The following CSMD1 variants were observed in gnomAD, a reference collection of about 807,000 sequenced individuals.
The protein encoded by CSMD1 is CUB and Sushi multiple domains 1.
A neutral mutation model predicts 417.5 loss-of-function variants in CSMD1; 213 were observed. The observed-to-expected ratio is 0.51, with a 90% CI of 0.46 to 0.57. The LOEUF (loss-of-function observed/expected upper bound fraction) is 0.57. Among genes scored for constraint, CSMD1 ranks in the 20% least tolerant of loss-of-function variants. The pLI is 0.00. For missense variants in CSMD1, 6,923 were observed against 4,529.7 expected (o/e 1.53, Z -15.17); for synonymous variants, 2,862 against 1,736.8 (o/e 1.65, Z -16.11).
At chr8:3,552,648 T>G (rs567208304) in intron 10 of CSMD1, among the ~76,000 whole-genome samples, 1 of 152,342 alleles carries the variant, frequency 6.6e-6, no homozygotes, top group South Asian at 2.1e-4. Context: ...AGATCCTTTC[T>G]GTTGCAAGAG....
At chr8:4,439,020 A>T (rs1154060) in intron 2 of CSMD1, among the ~76,000 whole-genome samples, 112,360 of 152,032 alleles carry the variant, frequency 0.74, 41,962 homozygotes, top group Admixed American at 0.83. Context: ...AGAACTGAAT[A>T]ATAAACTATA....
intron 18 of CSMD1, among the ~76,000 whole-genome samples, chr8:3,385,826 G>C (rs1255768018): frequency 6.7e-6 from 1 of 150,142 alleles, no homozygotes; most frequent in African/African-American, 2.4e-5. Context: ...GCTTGGATAA[G>C]AAGAAGTTGG....
intron 12 of CSMD1, among the ~76,000 whole-genome samples, chr8:3,468,098 T>A (rs949341172): frequency 6.6e-6 from 1 of 152,120 alleles, no homozygotes; most frequent in African/African-American, 2.4e-5. Flanking sequence ...ATATAGACAA[T>A]CAGAAATACT....
At chr8:3,962,536 G>C (rs890194381) in intron 5 of CSMD1, among the ~76,000 whole-genome samples, 1 of 152,162 alleles carries the variant, frequency 6.6e-6, no homozygotes, top group Non-Finnish European at 1.5e-5. Context: ...GCTAATCGCA[G>C]GTAAGCAAAG....
intron 3 of CSMD1, among the ~76,000 whole-genome samples, chr8:4,306,481 A>G (rs967364502): frequency 2.6e-4 from 40 of 152,352 alleles, no homozygotes; most frequent in African/African-American, 8.9e-4. Flanking sequence ...ATGCCTCAGC[A>G]GGGTGTAAGA....
intron 1 of CSMD1, among the ~76,000 whole-genome samples, chr8:4,656,159 A>T (rs1443207701): frequency 6.6e-6 from 1 of 152,002 alleles, no homozygotes; most frequent in Non-Finnish European, 1.5e-5. Flanking sequence ...GATTAAAGGG[A>T]ATGAGGGAAA....
At chr8:3,252,023 G>T (rs576153589) in intron 26 of CSMD1, among the ~76,000 whole-genome samples, 9 of 152,282 alleles carry the variant, frequency 5.9e-5, no homozygotes, top group African/African-American at 2.2e-4. Flanking sequence ...GGGACAATTT[G>T]ACTTCCTCTT....
At chr8:3,522,626 T>C (rs1025862357) in intron 10 of CSMD1, among the ~76,000 whole-genome samples, 2 of 152,080 alleles carry the variant, frequency 1.3e-5, no homozygotes, top group South Asian at 2.1e-4. Context: ...GGGTAGATGA[T>C]CACATGGCAG....
intron 3 of CSMD1, among the ~76,000 whole-genome samples, chr8:4,119,315 T>C (rs10094785): frequency 0.59 from 88,945 of 151,966 alleles, 26,284 homozygotes; most frequent in East Asian, 0.74. Flanking sequence ...ACAGGCAAAT[T>C]ACTAATCAAA....
intron 49 of CSMD1, among the ~76,000 whole-genome samples, chr8:3,053,630 T>A (rs1181401813): frequency 1.3e-5 from 2 of 151,888 alleles, no homozygotes; most frequent in Non-Finnish European, 2.9e-5. Context: ...GCAGATGAGG[T>A]TTTATAAAAA....
intron 2 of CSMD1, among the ~76,000 whole-genome samples, chr8:4,541,683 C>T (rs1797395595): frequency 6.6e-6 from 1 of 151,948 alleles, no homozygotes; most frequent in African/African-American, 2.4e-5. Flanking sequence ...TGCAGTAAGC[C>T]AAGATCTTAC....
At chr8:3,264,262 A>G (rs1267182519) in intron 26 of CSMD1, among the ~76,000 whole-genome samples, 1 of 152,220 alleles carries the variant, frequency 6.6e-6, no homozygotes, top group Non-Finnish European at 1.5e-5. Flanking sequence ...TATTAACAAT[A>G]AGTACCTGGT....
intron 2 of CSMD1, among the ~76,000 whole-genome samples, chr8:4,548,653 T>C (rs572081949): frequency 1.2e-3 from 181 of 152,312 alleles, no homozygotes; most frequent in African/African-American, 4.2e-3. Context: ...TCAAAAATCA[T>C]CACAATTAGG....
At chr8:4,380,658 A>G (rs1402221423) in intron 3 of CSMD1, among the ~76,000 whole-genome samples, 1 of 152,184 alleles carries the variant, frequency 6.6e-6, no homozygotes, top group Non-Finnish European at 1.5e-5. Flanking sequence ...TCAGTTCATT[A>G]ATTGTGGCAA....
rs187116224 is a variant in CSMD1, at chr8:4,329,621, C to T, written c.415+90332G>A. The stretch of plus-strand genomic sequence containing the variant: ...CTTATTTTTCTTTATTTACTACTTA[C>T]ATGTATGCCCAAACCTCAGTGATAT... On this transcript the variant is annotated intron_variant, in intron 3 of 69. Transcript: ENST00000635120. Among the ~76,000 whole-genome samples, 514 of 152,166 alleles carry T rather than the reference C, an allele frequency of 3.4e-3. 3 individuals are homozygous for T. Among genetic ancestry groups the T allele is most frequent in the African/African-American group, 0.012 (490 of 41,536 alleles).
intron 2 of CSMD1, among the ~76,000 whole-genome samples, chr8:4,629,150 T>C (rs1802350820): frequency 6.6e-6 from 1 of 152,178 alleles, no homozygotes; most frequent in Non-Finnish European, 1.5e-5. Context: ...TTACATTTAT[T>C]TTGTCATATT....
chr8:4,219,427 G>A (rs1188305840), intron 3 of CSMD1, among the ~76,000 whole-genome samples: 1 of 152,066 alleles, frequency 6.6e-6, no homozygotes, highest in Admixed American at 6.5e-5. Context: ...ATGGTAATTG[G>A]GCTCTGATCA....
chr8:4,031,608 G>C (rs942129101), intron 4 of CSMD1, among the ~76,000 whole-genome samples: 1 of 151,882 alleles, frequency 6.6e-6, no homozygotes, highest in Non-Finnish European at 1.5e-5. Context: ...ACTTGCTATT[G>C]ACTTTATGTG....
At chr8:3,728,482 G>C (rs565559653) in intron 6 of CSMD1, among the ~76,000 whole-genome samples, 2 of 152,280 alleles carry the variant, frequency 1.3e-5, no homozygotes, top group South Asian at 4.1e-4. Flanking sequence ...TAACAGAGTA[G>C]CAAATAATAA....
Sources: gnomAD v4.1 joint callset for allele counts (sites outside exome capture counted in the v4.1 genomes callset) on GRCh38, gnomAD v4.1.1 for gene constraint, MANE v1.5 for transcripts, NCBI Gene and HGNC (gene_info 2026-07-23, HGNC 2026-07-21) for gene names.